Variants in SYNPR observed in about 807,000 individuals in gnomAD.
The protein encoded by SYNPR is synaptoporin.
SYNPR carries 23 observed loss-of-function variants against 32.9 expected under a neutral mutation model. That is an observed-to-expected ratio of 0.70 (90% CI 0.50 to 0.99). The LOEUF (loss-of-function observed/expected upper bound fraction) is 0.99, where lower values mean the gene tolerates loss of function less well. Ranked by LOEUF, SYNPR falls within the 50% of genes least tolerant of loss-of-function variation. The pLI, the probability that SYNPR is intolerant of heterozygous loss-of-function variation, is 0.00. For synonymous variants in SYNPR, 146 were observed against 135.9 expected (o/e 1.07, Z -0.52); for missense variants, 318 against 349.3 (o/e 0.91, Z 0.71).
At chr3:63,452,997 T>G (rs1290008165) in intron 2 of SYNPR, among the ~76,000 whole-genome samples, 1 of 152,130 alleles carries the variant, frequency 6.6e-6, no homozygotes, top group Non-Finnish European at 1.5e-5. Flanking sequence ...TGTAACAGCT[T>G]CCTGTTCAAA....
At chr3:63,445,039 T>G (rs1187915849) in intron 2 of SYNPR, among the ~76,000 whole-genome samples, 1 of 151,706 alleles carries the variant, frequency 6.6e-6, no homozygotes, top group Non-Finnish European at 1.5e-5. Flanking sequence ...GCATGGAACA[T>G]CACCTCTTCC....
At chr3:63,359,417 C>T (rs1278882262) in intron 2 of SYNPR, among the ~76,000 whole-genome samples, 1 of 152,214 alleles carries the variant, frequency 6.6e-6, no homozygotes, top group Non-Finnish European at 1.5e-5. Flanking sequence ...GTTGTTTGCA[C>T]ATTGCAACAA....
intron 2 of SYNPR, among the ~76,000 whole-genome samples, chr3:63,362,176 G>A (rs2107036443): frequency 6.6e-6 from 1 of 152,316 alleles, no homozygotes; most frequent in Admixed American, 6.5e-5. Context: ...CTCACTCTGT[G>A]TCTCTGAATG....
chr3:63,322,440 A>G (rs1280127667), intron 2 of SYNPR, among the ~76,000 whole-genome samples: 1 of 152,110 alleles, frequency 6.6e-6, no homozygotes, highest in Non-Finnish European at 1.5e-5. Context: ...GCTCTCCTGA[A>G]GTCACATAGT....
At chr3:63,569,365 A>C (rs1575716224) in intron 4 of SYNPR, among the ~76,000 whole-genome samples, 1 of 152,174 alleles carries the variant, frequency 6.6e-6, no homozygotes, top group South Asian at 2.1e-4. Flanking sequence ...GTGACCTCTT[A>C]TCTGAGTGAA....
At chr3:63,448,951 T>C (rs1700331037) in intron 2 of SYNPR, among the ~76,000 whole-genome samples, 1 of 152,192 alleles carries the variant, frequency 6.6e-6, no homozygotes, top group Non-Finnish European at 1.5e-5. Context: ...ATCCACTTAT[T>C]TACTGATGTG....
rs970280651 is a variant in SYNPR, at chr3:63,334,311, G to C, written c.84+55569G>C. Among the ~76,000 whole-genome samples the C allele has an allele frequency of 9.2e-5, 14 of 152,292 alleles. No homozygotes were observed. The South Asian group carries it at 1.2e-3, about 14-fold the overall frequency. On this transcript the variant is annotated intron_variant, in intron 2 of 5. Transcript: ENST00000478300. ...TCAGAAGGTCAACCTTGGTGGCTTT[G>C]GCAAGTGGCCCACCTGGAGAGAGTA...
intron 4 of SYNPR, among the ~76,000 whole-genome samples, chr3:63,595,698 G>A (rs75233687): frequency 1.6e-3 from 186 of 114,078 alleles, no homozygotes; most frequent in African/African-American, 5.6e-3. Context: ...TGATGGTGGT[G>A]GGACTTCTGA....
chr3:63,419,640 A>G (rs1299241161), intron 2 of SYNPR, among the ~76,000 whole-genome samples: 2 of 152,226 alleles, frequency 1.3e-5, no homozygotes, highest in Admixed American at 6.5e-5. Context: ...TCTAGCAACT[A>G]TGGTCCCCCA....
At chr3:63,459,927 C>T (rs898413621) in intron 2 of SYNPR, among the ~76,000 whole-genome samples, 1 of 152,018 alleles carries the variant, frequency 6.6e-6, no homozygotes, top group Non-Finnish European at 1.5e-5. Context: ...AGCACTAAAT[C>T]CTGTCCATTT....
At chr3:63,586,861 C>T (rs1703194024) in intron 4 of SYNPR, among the ~76,000 whole-genome samples, 1 of 151,968 alleles carries the variant, frequency 6.6e-6, no homozygotes, top group Non-Finnish European at 1.5e-5. Flanking sequence ...ATGGCTCATT[C>T]TCCTACGCAA....
chr3:63,324,280 G>A (rs1156413047), intron 2 of SYNPR, among the ~76,000 whole-genome samples: 1 of 152,108 alleles, frequency 6.6e-6, no homozygotes, highest in Non-Finnish European at 1.5e-5. Flanking sequence ...CCTGAGCTTT[G>A]AACTAGTATC....
chr3:63,261,815 G>GTAATT lies in SYNPR; in HGVS notation n.155-5502_155-5501insTAATT, dbSNP rs576333569. 8.8e-3 allele frequency among the ~76,000 whole-genome samples: 1,335 copies of GTAATT among 151,028 alleles called. 11 individuals are homozygous for GTAATT. Among genetic ancestry groups the GTAATT allele is most frequent in the African/African-American group, 0.031 (1,253 of 41,058 alleles). On this transcript the variant is annotated intron_variant and non_coding_transcript_variant, in intron 2 of 4. Coordinates refer to the SYNPR transcript ENST00000478456. ...CACCACATGTTCTCACTCATAGGTGGGAATTGAACAATGAGAACACAAGGA... is the reference window on the plus strand; with the variant it reads ...CACCACATGTTCTCACTCATAGGTGGTAATTGAATTGAACAATGAGAACACAAGGA...
intron 3 of SYNPR, among the ~76,000 whole-genome samples, chr3:63,509,779 G>A (rs1385391359): frequency 6.6e-6 from 1 of 152,042 alleles, no homozygotes; most frequent in Non-Finnish European, 1.5e-5. Flanking sequence ...ATAATCTGAA[G>A]CAAAAAACTT....
chr3:63,211,319 A>G, the SYNPR span, among the ~76,000 whole-genome samples: 4 of 152,162 alleles, frequency 2.6e-5, no homozygotes, highest in Admixed American at 6.5e-5. Flanking sequence ...AACCTGCCTC[A>G]GCCTCCCAAA....
intron 4 of SYNPR, among the ~76,000 whole-genome samples, chr3:63,560,808 G>GA (rs1317917664): frequency 6.6e-6 from 1 of 152,016 alleles, no homozygotes; most frequent in African/African-American, 2.4e-5. Context: ...AGCAGGGGGG[G>GA]AACCACCCCC....
chr3:63,565,835 C>G (rs1406235646), intron 4 of SYNPR, among the ~76,000 whole-genome samples: 2 of 152,158 alleles, frequency 1.3e-5, no homozygotes, highest in African/African-American at 4.8e-5. Flanking sequence ...GAACTCTCTA[C>G]CTGTCACCGT....
chr3:63,270,024 A>G (rs1189176636), intron 3 of SYNPR, among the ~76,000 whole-genome samples: 2 of 152,206 alleles, frequency 1.3e-5, no homozygotes, highest in Non-Finnish European at 2.9e-5. Flanking sequence ...GAGGATTATA[A>G]ATGCTTAAAT....
At chr3:63,256,485 C>A (rs1488521939) in intron 2 of SYNPR, among the ~76,000 whole-genome samples, 1 of 152,186 alleles carries the variant, frequency 6.6e-6, no homozygotes, top group Non-Finnish European at 1.5e-5. Context: ...CCAGCAAACT[C>A]CAACAGACCC....
Sources: allele counts gnomAD v4.1 joint callset (sites outside exome capture counted in the v4.1 genomes callset), GRCh38; gene constraint gnomAD v4.1.1; transcripts MANE v1.5; gene names NCBI Gene and HGNC (gene_info 2026-07-23, HGNC 2026-07-21).